The following DCUN1D1 variants were observed in gnomAD, a reference collection of about 807,000 sequenced individuals.
The protein encoded by DCUN1D1 is defective in cullin neddylation 1 domain containing 1, also known as DCN1-like protein 1.
A neutral mutation model predicts 39.0 loss-of-function variants in DCUN1D1; 3 were observed. The ratio of observed to expected loss-of-function variants is 0.08; its 90% CI spans 0.04 to 0.20. The LOEUF is 0.20. Ranked by LOEUF, DCUN1D1 falls within the 10% of genes least tolerant of loss-of-function variation. The pLI is 1.00. For missense variants in DCUN1D1, 158 were observed against 302.4 expected, an observed-to-expected ratio of 0.52 and a Z score of 3.54; for synonymous variants, 82 against 96.3, an observed-to-expected ratio of 0.85 and a Z score of 0.87.
At position 182,963,981 on chromosome 3, in the gene DCUN1D1, G is replaced by C. The variant is rs747568789; in HGVS notation, c.289C>G (p.Pro97Ala). 2 of 1,613,910 alleles carry C rather than the reference G, an allele frequency of 1.2e-6. No homozygotes were observed. The highest frequency in any genetic ancestry group is 2.7e-5 in the African/African-American group (2 of 74,908). The part of the protein sequence containing the change: ...QQFCDDLALD[P>A]ASISVLIIAW... Reference sequence around the variant, plus strand: ...ATAATCAACACACTAATGCTGGCTGGATCGAGTGCCAGGTCATCACAGAAC... The same window carrying C: ...ATAATCAACACACTAATGCTGGCTGCATCGAGTGCCAGGTCATCACAGAAC... The change falls in exon 3 of 7, where the codon CCA becomes GCA. Residue 97 changes from proline to alanine, a missense_variant. Transcript: ENST00000292782.
At chr3:182,975,071 A>G (rs1034635947) in intron 1 of DCUN1D1, among the ~76,000 whole-genome samples, 4 of 152,210 alleles carry the variant, frequency 2.6e-5, no homozygotes, top group African/African-American at 7.2e-5. Flanking sequence ...GTTTTCTCCC[A>G]GACTTTCCTT....
intron 6 of DCUN1D1, among the ~76,000 whole-genome samples, chr3:182,946,908 G>C (rs937052758): frequency 6.6e-6 from 1 of 152,102 alleles, no homozygotes; most frequent in Non-Finnish European, 1.5e-5. Context: ...TTGAGGCCAG[G>C]AGTACAAGAG....
intron 1 of DCUN1D1, among the ~76,000 whole-genome samples, chr3:182,968,221 T>C (rs544487117): frequency 5.3e-5 from 8 of 152,288 alleles, no homozygotes; most frequent in African/African-American, 1.4e-4. Context: ...GAAATTACTT[T>C]TTAATTAAAC....
upstream of DCUN1D1, among the ~76,000 whole-genome samples, chr3:182,982,847 G>T (rs1728602657): frequency 6.6e-6 from 1 of 152,040 alleles, no homozygotes; most frequent in East Asian, 1.9e-4. Context: ...GTTTCACCAT[G>T]TTTGTCAGGC....
At chr3:182,967,316 G>A (rs897371529) in intron 1 of DCUN1D1, among the ~76,000 whole-genome samples, 1 of 151,884 alleles carries the variant, frequency 6.6e-6, no homozygotes, top group East Asian at 1.9e-4. Context: ...GTTGTTATTA[G>A]TAGAAATGAG....
chr3:182,966,057 G>A lies in DCUN1D1; in HGVS notation c.4-304C>T, dbSNP rs148908246. On this transcript the variant is annotated intron_variant, in intron 1 of 6. Transcript: ENST00000292782. ...AGAAAGGCTGCAGAAGGGAAGCCGCGCTACCCTCCAAACCCCGACCAAGCA... is the reference window on the plus strand; with the variant it reads ...AGAAAGGCTGCAGAAGGGAAGCCGCACTACCCTCCAAACCCCGACCAAGCA... 3.3e-5 allele frequency among the ~76,000 whole-genome samples: 5 copies of A among 152,118 alleles called. No individual in the cohort carries two copies. The East Asian group carries it at 5.8e-4, about 18-fold the overall frequency.
At chr3:182,964,471 T>C (rs1727562585) in intron 2 of DCUN1D1, among the ~76,000 whole-genome samples, 1 of 152,104 alleles carries the variant, frequency 6.6e-6, no homozygotes, top group Non-Finnish European at 1.5e-5. Context: ...TCAGAAAAAC[T>C]GTGACCTAAA....
At chr3:182,970,753 T>C (rs1302112041) in intron 1 of DCUN1D1, among the ~76,000 whole-genome samples, 2 of 152,210 alleles carry the variant, frequency 1.3e-5, no homozygotes, top group Non-Finnish European at 2.9e-5. Flanking sequence ...CATCTGAAAT[T>C]TAGAAGAGCT....
At chr3:182,958,046 A>C (rs1278978273) in intron 4 of DCUN1D1, among the ~76,000 whole-genome samples, 1 of 151,456 alleles carries the variant, frequency 6.6e-6, no homozygotes, top group African/African-American at 2.4e-5. Flanking sequence ...ACTCTCTGCC[A>C]ATTTGTTTTG....
intron 6 of DCUN1D1, among the ~76,000 whole-genome samples, chr3:182,945,771 C>A (rs1051696348): frequency 6.6e-6 from 1 of 152,138 alleles, no homozygotes; most frequent in Admixed American, 6.5e-5. Context: ...CATGCTAATA[C>A]GTTACTAAAA....
chr3:182,945,243 A>ACATAGTCT, intron 6 of DCUN1D1, 70 bp from the exon 7 acceptor site: 1 of 1,214,388 alleles, frequency 8.2e-7, no homozygotes, highest in Non-Finnish European at 1.2e-6. Context: ...ACATTTTAGT[A>ACATAGTCT]GAATCCTTTT....
At chr3:182,972,623 T>C (rs1157836689) in intron 1 of DCUN1D1, among the ~76,000 whole-genome samples, 1 of 151,940 alleles carries the variant, frequency 6.6e-6, no homozygotes, top group Non-Finnish European at 1.5e-5. Flanking sequence ...CAGCTGTAGT[T>C]CCAGCTACTT....
intron 4 of DCUN1D1, chr3:182,955,871 G>A (rs9825985): frequency 0.044 from 8,041 of 182,026 alleles, 691 homozygotes; most frequent in African/African-American, 0.18. Flanking sequence ...GTGAGCCACC[G>A]CGCCCAGCCG....
chr3:182,975,472 A>G (rs9837163), intron 1 of DCUN1D1, among the ~76,000 whole-genome samples: 8,248 of 152,084 alleles, frequency 0.054, 731 homozygotes, highest in African/African-American at 0.18. Context: ...CACCGCGCCC[A>G]GCCAAAAATT....
chr3:182,976,420 T>C (rs944956937), intron 1 of DCUN1D1, among the ~76,000 whole-genome samples: 1 of 146,126 alleles, frequency 6.8e-6, no homozygotes, highest in Non-Finnish European at 1.5e-5. Flanking sequence ...ACCCCCTGTA[T>C]ATACACATGT....
At chr3:182,953,394 A>G (rs1233327932) in intron 4 of DCUN1D1, among the ~76,000 whole-genome samples, 1 of 152,232 alleles carries the variant, frequency 6.6e-6, no homozygotes, top group Non-Finnish European at 1.5e-5. Context: ...TAAGTGATGA[A>G]GAGAGCAGCT....
At chr3:182,980,446 C>T (rs1728484869) in intron 1 of DCUN1D1, 41 bp downstream of exon 1, 6 of 1,097,520 alleles carry the variant, frequency 5.5e-6, no homozygotes, top group Non-Finnish European at 3.3e-6. Flanking sequence ...GCAGCGCCGG[C>T]CCCCAGCCGG....
intron 4 of DCUN1D1, among the ~76,000 whole-genome samples, chr3:182,959,731 T>C (rs78157276): frequency 0.027 from 4,177 of 152,204 alleles, 200 homozygotes; most frequent in African/African-American, 0.096. Context: ...TTGGATATAG[T>C]TGGTTTGTTC....
At chr3:182,966,097 G>A (rs911874412) in intron 1 of DCUN1D1, among the ~76,000 whole-genome samples, 4 of 152,020 alleles carry the variant, frequency 2.6e-5, no homozygotes, top group Non-Finnish European at 5.9e-5. Context: ...GCTCTGAGAT[G>A]GATGCACAAG....
Sources: gnomAD v4.1 joint callset for allele counts (sites outside exome capture counted in the v4.1 genomes callset) on GRCh38, gnomAD v4.1.1 for gene constraint, MANE v1.5 for transcripts, NCBI Gene and HGNC (gene_info 2026-07-23, HGNC 2026-07-21) for gene names.